The following XKR6 variants were observed in gnomAD, a reference collection of about 807,000 sequenced individuals.
The protein encoded by XKR6 is XK-related protein 6.
A neutral mutation model predicts 56.7 loss-of-function variants in XKR6; 22 were observed. The observed-to-expected ratio is 0.39, with a 90% CI of 0.28 to 0.55. The LOEUF is 0.55. Ranked by LOEUF, XKR6 falls within the 20% of genes least tolerant of loss-of-function variation. XKR6 has a pLI of 0.66. For missense variants in XKR6, 852 were observed against 889.0 expected, an observed-to-expected ratio of 0.96 and a Z score of 0.53; for synonymous variants, 524 against 387.8, an observed-to-expected ratio of 1.35 and a Z score of -4.13.
At chr8:10,919,566 G>A (rs190168059) in intron 2 of XKR6, among the ~76,000 whole-genome samples, 103 of 152,320 alleles carry the variant, frequency 6.8e-4, no homozygotes, top group Non-Finnish European at 1.2e-3. Context: ...CACTGTGGAG[G>A]TGCATGTGGA....
At chr8:10,927,204 CG>C (rs1228220505) in intron 1 of XKR6, among the ~76,000 whole-genome samples, 2 of 152,096 alleles carry the variant, frequency 1.3e-5, no homozygotes, top group African/African-American at 2.4e-5. Context: ...GATGGCAGTG[CG>C]GGGAGGCAGG....
At chr8:11,166,952 G>T (rs568146923) in intron 1 of XKR6, among the ~76,000 whole-genome samples, 1 of 152,164 alleles carries the variant, frequency 6.6e-6, no homozygotes, top group Non-Finnish European at 1.5e-5. Context: ...CAGAAATTGA[G>T]GTGATTGCCA....
chr8:10,924,692 G>C lies in XKR6; in HGVS notation c.903C>G (p.Pro301=), dbSNP rs1233808353. ...RLLETFLESA[P]QLVLQLYIML... ...TGATGTAGAGCTGTAGCACCAGTTGGGGCGCGCTCTCCAGGAAGGTCTCCA... is the reference window on the plus strand; with the variant it reads ...TGATGTAGAGCTGTAGCACCAGTTGCGGCGCGCTCTCCAGGAAGGTCTCCA... The change falls in exon 2 of 3, where the codon CCC becomes CCG. Residue 301 remains proline, a synonymous_variant. Coordinates refer to ENST00000416569, the MANE Select transcript of XKR6 (RefSeq NM_173683.4). The C allele has an allele frequency of 6.2e-7, 1 of 1,613,364 alleles. No homozygotes were observed. The highest frequency in any genetic ancestry group is 2.2e-5 in the East Asian group (1 of 44,884).
At chr8:11,103,766 A>G (rs1441128127) in intron 1 of XKR6, among the ~76,000 whole-genome samples, 1 of 152,238 alleles carries the variant, frequency 6.6e-6, no homozygotes, top group Admixed American at 6.5e-5. Context: ...TCAAAATACA[A>G]AACTGCAAAT....
intron 1 of XKR6, among the ~76,000 whole-genome samples, chr8:11,187,665 A>G (rs1474240147): frequency 6.6e-6 from 1 of 152,102 alleles, no homozygotes; most frequent in African/African-American, 2.4e-5. Flanking sequence ...ATATCAAAGC[A>G]CCTTCCTTTT....
At chr8:11,122,003 G>C (rs552443825) in intron 1 of XKR6, among the ~76,000 whole-genome samples, 163 of 152,328 alleles carry the variant, frequency 1.1e-3, no homozygotes, top group African/African-American at 3.6e-3. Flanking sequence ...CTTGGATACA[G>C]GAAGGGGAAC....
chr8:10,927,322 G>A (rs1401028297), intron 1 of XKR6, among the ~76,000 whole-genome samples: 1 of 152,106 alleles, frequency 6.6e-6, no homozygotes, highest in Non-Finnish European at 1.5e-5. Context: ...GAGCCTCAGT[G>A]CCGTGTGTCT....
rs143085032 is a variant in XKR6, at chr8:11,140,056, T to C, written c.764+60520A>G. Among the ~76,000 whole-genome samples the C allele has an allele frequency of 6.7e-3, 1,019 of 151,240 alleles. 9 individuals carry two copies. Among genetic ancestry groups the C allele is most frequent in the African/African-American group, 0.023 (965 of 41,140 alleles). ...ACTCGTTTTATACATAAAGATTATA[T>C]GGAAGACAAGAACACGTAAACACAA... On this transcript the variant is annotated intron_variant, in intron 1 of 2. Transcript: ENST00000416569.
intron 1 of XKR6, among the ~76,000 whole-genome samples, chr8:11,196,132 T>G (rs1803874438): frequency 6.6e-6 from 1 of 152,108 alleles, no homozygotes; most frequent in Non-Finnish European, 1.5e-5. Context: ...CATTTGTAGG[T>G]ATCTAAATAT....
intron 1 of XKR6, among the ~76,000 whole-genome samples, chr8:11,168,231 A>T (rs1207507825): frequency 1.3e-5 from 2 of 152,224 alleles, no homozygotes; most frequent in Non-Finnish European, 2.9e-5. Flanking sequence ...AAGGCCAGAC[A>T]TTGTACTTAC....
chr8:11,072,422 C>A (rs1011566121), intron 1 of XKR6, among the ~76,000 whole-genome samples: 1 of 151,900 alleles, frequency 6.6e-6, no homozygotes, highest in African/African-American at 2.4e-5. Context: ...AGGGCTCCAC[C>A]CCCTCTCTGT....
intron 1 of XKR6, among the ~76,000 whole-genome samples, chr8:11,072,628 G>C (rs1309634177): frequency 6.6e-6 from 1 of 152,266 alleles, no homozygotes; most frequent in Admixed American, 6.5e-5. Context: ...ACTCTGGGTA[G>C]AGAAGGTGGG....
intron 1 of XKR6, among the ~76,000 whole-genome samples, chr8:11,024,252 T>TGTGTGTGA (rs1366545611): frequency 7.0e-6 from 1 of 143,750 alleles, no homozygotes; most frequent in Admixed American, 6.9e-5. Flanking sequence ...TGTGTGTGTG[T>TGTGTGTGA]GATTCTCCAT....
At chr8:11,090,588 A>T (rs1291717746) in intron 1 of XKR6, among the ~76,000 whole-genome samples, 1 of 152,154 alleles carries the variant, frequency 6.6e-6, no homozygotes, top group Non-Finnish European at 1.5e-5. Flanking sequence ...CATATGATAG[A>T]TATGAAACAG....
intron 1 of XKR6, chr8:11,137,268 A>C (rs945845648): frequency 2.7e-5 from 7 of 262,804 alleles, no homozygotes; most frequent in African/African-American, 1.6e-4. Flanking sequence ...AGAAATGTCT[A>C]CTAAAGCAGT....
intron 1 of XKR6, among the ~76,000 whole-genome samples, chr8:11,153,169 A>G (rs1008399275): frequency 1.3e-5 from 2 of 152,232 alleles, no homozygotes; most frequent in African/African-American, 4.8e-5. Context: ...AACCACCACC[A>G]AAGCAGAAGA....
chr8:11,098,241 A>AAC (rs373873132), intron 1 of XKR6, among the ~76,000 whole-genome samples: 6 of 151,628 alleles, frequency 4.0e-5, no homozygotes, highest in African/African-American at 7.3e-5. Flanking sequence ...ACACACGCAC[A>AAC]ACACACACAC....
At chr8:11,091,093 G>A (rs147751129) in intron 1 of XKR6, among the ~76,000 whole-genome samples, 1 of 152,228 alleles carries the variant, frequency 6.6e-6, no homozygotes, top group East Asian at 1.9e-4. Context: ...GGTGGCACCA[G>A]GAATGGCATG....
intron 1 of XKR6, among the ~76,000 whole-genome samples, chr8:10,934,545 T>C (rs1225086272): frequency 1.5e-5 from 2 of 130,468 alleles, no homozygotes; most frequent in Non-Finnish European, 3.5e-5. Flanking sequence ...TTGTCATAGA[T>C]AGCTCTTATT....
Sources: gnomAD v4.1 joint callset for allele counts (sites outside exome capture counted in the v4.1 genomes callset) on GRCh38, gnomAD v4.1.1 for gene constraint, MANE v1.5 for transcripts, NCBI Gene and HGNC (gene_info 2026-07-23, HGNC 2026-07-21) for gene names.